Variants in CLMP observed in about 807,000 individuals in gnomAD.
The protein encoded by CLMP is CXADR like cell adhesion molecule.
A neutral mutation model predicts 45.2 loss-of-function variants in CLMP; 27 were observed. The observed-to-expected ratio is 0.60, with a 90% confidence interval of 0.44 to 0.82. CLMP has a LOEUF of 0.82. CLMP is among the 40% of genes least tolerant of loss of function. The probability of loss-of-function intolerance (pLI) is 0.00; values close to 1 mark genes in which losing one functional copy is unlikely to be tolerated. For missense variants in CLMP, 403 were observed against 448.4 expected (o/e 0.90, Z 0.91); for synonymous variants, 167 against 171.4 (o/e 0.97, Z 0.20).
At chr11:123,083,628 C>T (rs1269652110) in intron 4 of CLMP, 52 bp downstream of exon 4, 13 of 1,577,026 alleles carry the variant, frequency 8.2e-6, no homozygotes, top group African/African-American at 4.0e-5. Flanking sequence ...TTAGAGCTCA[C>T]GGATAGAGGA....
chr11:123,186,845 C>A (rs578147919), intron 1 of CLMP, among the ~76,000 whole-genome samples: 1 of 152,166 alleles, frequency 6.6e-6, no homozygotes, highest in East Asian at 1.9e-4. Context: ...TGTTGTGGAC[C>A]TGGAGCAGGG....
At chr11:123,121,385 C>T (rs376286038) in intron 1 of CLMP, among the ~76,000 whole-genome samples, 1 of 152,080 alleles carries the variant, frequency 6.6e-6, no homozygotes, top group Non-Finnish European at 1.5e-5. Context: ...GCAATCTCCA[C>T]CTCCCAGGTT....
rs150240752 is a variant in CLMP, at chr11:123,073,481, G to A, written c.1115C>T (p.Thr372Met). 62 of 1,610,930 alleles carry A rather than the reference G, an allele frequency of 3.8e-5. No homozygotes were observed. The highest frequency in any genetic ancestry group is 4.9e-5 in the Non-Finnish European group (58 of 1,178,214). The change falls in exon 7 of 7, where the codon ACG becomes ATG. Residue 372 changes from threonine to methionine, a missense_variant. Thr to Met is a moderately conservative substitution (Grantham distance 81). Transcript: ENST00000448775. The part of the protein sequence containing the change: ...MIPSQSRAFQ[T>M]V Reference sequence around the variant, plus strand: ...AGTCAAGTCCATTGTAATTCAGACCGTTTGGAAGGCTCTGCTCTGGCTGGG... The same window carrying A: ...AGTCAAGTCCATTGTAATTCAGACCATTTGGAAGGCTCTGCTCTGGCTGGG...
At chr11:123,148,914 T>A (rs917728054) in intron 1 of CLMP, among the ~76,000 whole-genome samples, 20 of 152,182 alleles carry the variant, frequency 1.3e-4, no homozygotes, top group Admixed American at 6.5e-5. Context: ...TCTGCCTCTT[T>A]TAGAAGAGCA....
intron 5 of CLMP, among the ~76,000 whole-genome samples, chr11:123,078,880 G>A (rs559135829): frequency 1.1e-4 from 16 of 152,188 alleles, no homozygotes; most frequent in East Asian, 5.8e-4. Flanking sequence ...TCTTGACCTC[G>A]TGATCCACCT....
intron 1 of CLMP, among the ~76,000 whole-genome samples, chr11:123,178,943 C>G (rs977712744): frequency 3.9e-5 from 6 of 152,184 alleles, no homozygotes; most frequent in African/African-American, 1.4e-4. Flanking sequence ...GTGTCTGTTA[C>G]AGATAAATTT....
chr11:123,118,384 C>T (rs572901375), intron 1 of CLMP, among the ~76,000 whole-genome samples: 92 of 152,338 alleles, frequency 6.0e-4, no homozygotes, highest in African/African-American at 2.1e-3. Context: ...ATCTTCCTGC[C>T]TTGGCCTCCC....
At chr11:123,168,064 T>C (rs1477014451) in intron 1 of CLMP, among the ~76,000 whole-genome samples, 1 of 152,148 alleles carries the variant, frequency 6.6e-6, no homozygotes, top group Admixed American at 6.5e-5. Context: ...CCTGCCATGG[T>C]CAACAAAGGA....
At chr11:123,150,416 T>TAAGAGAGAAAGAAAGAAAGA (rs1861297542) in intron 1 of CLMP, among the ~76,000 whole-genome samples, 1 of 30,892 alleles carries the variant, frequency 3.2e-5, no homozygotes, top group Non-Finnish European at 5.9e-5. Flanking sequence ...GGAAGGAAGG[T>TAAGAGAGAAAGAAAGAAAGA]AAGAAAGAAA....
intron 1 of CLMP, among the ~76,000 whole-genome samples, chr11:123,163,827 G>C (rs1295134293): frequency 6.6e-6 from 1 of 152,182 alleles, no homozygotes; most frequent in African/African-American, 2.4e-5. Context: ...GGGTTCTGAG[G>C]CCCACAGCTA....
chr11:123,092,458 C>T (rs370094432), intron 2 of CLMP, among the ~76,000 whole-genome samples: 12 of 151,934 alleles, frequency 7.9e-5, no homozygotes, highest in Non-Finnish European at 1.8e-4. Context: ...CCACCACGCC[C>T]GGCTAATTTT....
intron 1 of CLMP, among the ~76,000 whole-genome samples, chr11:123,106,430 C>T (rs917325592): frequency 5.4e-4 from 51 of 95,316 alleles, no homozygotes; most frequent in Non-Finnish European, 7.3e-4. Flanking sequence ...TGTGTGCGCG[C>T]GCGCGCGCGC....
At chr11:123,185,523 A>C (rs1861822465) in intron 1 of CLMP, among the ~76,000 whole-genome samples, 1 of 152,178 alleles carries the variant, frequency 6.6e-6, no homozygotes, top group African/African-American at 2.4e-5. Flanking sequence ...GGAGCAGAGA[A>C]GGAGGCTGCG....
At chr11:123,093,950 A>G (rs1035571276) in intron 2 of CLMP, among the ~76,000 whole-genome samples, 3 of 152,118 alleles carry the variant, frequency 2.0e-5, no homozygotes, top group African/African-American at 7.2e-5. Flanking sequence ...AGATGGATGC[A>G]GATCTCTCTT....
chr11:123,172,181 C>T (rs1389927306), intron 1 of CLMP, among the ~76,000 whole-genome samples: 4 of 151,972 alleles, frequency 2.6e-5, no homozygotes, highest in East Asian at 1.9e-4. Context: ...GATGGAGTCT[C>T]GCTCTGTTGC....
chr11:123,186,486 G>C (rs773662411), intron 1 of CLMP, among the ~76,000 whole-genome samples: 22 of 151,678 alleles, frequency 1.5e-4, no homozygotes, highest in Admixed American at 4.6e-4. Context: ...TGCTCTCCCA[G>C]AGTAGCTGTG....
At chr11:123,134,821 T>A (rs1396100245) in intron 1 of CLMP, among the ~76,000 whole-genome samples, 1 of 150,724 alleles carries the variant, frequency 6.6e-6, no homozygotes, top group Non-Finnish European at 1.5e-5. Context: ...AAAAAAAAAA[T>A]TGCTCTCTAG....
rs1278858036 is a variant in CLMP at position 123,070,611 on chromosome 11, G to A, written c.*2863C>T. 2 of 152,206 alleles carry A rather than the reference G, an allele frequency of 1.3e-5. No homozygotes were observed. The highest frequency in any genetic ancestry group is 4.8e-5 in the African/African-American group (2 of 41,436). The allele number at this position is 152,206 out of a possible 1,614,324, so 9.4% of individuals were successfully genotyped here. ...GTTCAAAGGTAGTAAATAATGATGA[G>A]CAAATTGCTAGTGATGATACAGCTG... On this transcript the variant is annotated 3_prime_UTR_variant, in exon 7 of 7. Coordinates refer to ENST00000448775, the MANE Select transcript of CLMP (RefSeq NM_024769.5).
intron 1 of CLMP, among the ~76,000 whole-genome samples, chr11:123,191,959 C>T (rs1861913781): frequency 1.3e-5 from 2 of 152,114 alleles, no homozygotes; most frequent in Non-Finnish European, 2.9e-5. Context: ...GTCAAATAGA[C>T]TACTCAAAAG....
Sources: gnomAD v4.1 joint callset for allele counts (sites outside exome capture counted in the v4.1 genomes callset) on GRCh38, gnomAD v4.1.1 for gene constraint, MANE v1.5 for transcripts, NCBI Gene and HGNC (gene_info 2026-07-23, HGNC 2026-07-21) for gene names.